The following ANO10 variants were observed in gnomAD, a reference collection of about 807,000 sequenced individuals.
ANO10 encodes anoctamin-10.
ANO10 carries 77 observed loss-of-function variants against 74.7 expected under a neutral mutation model. The observed-to-expected ratio is 1.03, with a 90% confidence interval of 0.86 to 1.25. ANO10 has a LOEUF of 1.25. Among genes scored for constraint, ANO10 ranks in the 50% most tolerant of loss-of-function variants. The probability of loss-of-function intolerance (pLI) is 0.00; values close to 1 mark genes in which losing one functional copy is unlikely to be tolerated. For missense variants in ANO10, 721 were observed against 778.1 expected, an observed-to-expected ratio of 0.93 and a Z score of 0.87; for synonymous variants, 279 against 284.9, an observed-to-expected ratio of 0.98 and a Z score of 0.21.
chr3:43,513,945 TATTA>T (rs1408757285), intron 11 of ANO10, among the ~76,000 whole-genome samples: 1 of 150,606 alleles, frequency 6.6e-6, no homozygotes, highest in Non-Finnish European at 1.5e-5. Context: ...TTTTGTTTGC[TATTA>T]TTTATAACAT....
intron 11 of ANO10, among the ~76,000 whole-genome samples, chr3:43,475,837 A>G (rs1460172352): frequency 6.6e-6 from 1 of 152,034 alleles, no homozygotes; most frequent in Admixed American, 6.6e-5. Flanking sequence ...CCTGACCTCG[A>G]GTGATCTGCC....
At chr3:43,393,685 TTC>T (rs1479786368) in intron 12 of ANO10, among the ~76,000 whole-genome samples, 1 of 152,144 alleles carries the variant, frequency 6.6e-6, no homozygotes, top group Non-Finnish European at 1.5e-5. Context: ...ATATTTTCAT[TTC>T]TTTTTTATTC....
At chr3:43,674,526 T>C (rs768908650) in intron 1 of ANO10, among the ~76,000 whole-genome samples, 10 of 152,126 alleles carry the variant, frequency 6.6e-5, no homozygotes, top group Non-Finnish European at 1.5e-4. Flanking sequence ...AACCAACAAG[T>C]TATGACCTCA....
intron 11 of ANO10, among the ~76,000 whole-genome samples, chr3:43,531,874 C>G (rs922849887): frequency 6.6e-6 from 1 of 151,852 alleles, no homozygotes; most frequent in Non-Finnish European, 1.5e-5. Context: ...TGCACTCCAA[C>G]CTGGTGACAG....
chr3:43,495,162 T>G (rs1333583068), intron 11 of ANO10, among the ~76,000 whole-genome samples: 1 of 151,998 alleles, frequency 6.6e-6, no homozygotes, highest in Non-Finnish European at 1.5e-5. Context: ...ATAAATGATA[T>G]AAATGACTAT....
chr3:43,627,222 T>C (rs1043883146), intron 1 of ANO10, among the ~76,000 whole-genome samples: 8 of 152,230 alleles, frequency 5.3e-5, no homozygotes, highest in African/African-American at 1.9e-4. Context: ...CAAATTTCAG[T>C]ACAGAAAACA....
intron 11 of ANO10, among the ~76,000 whole-genome samples, chr3:43,511,233 G>A (rs1379913377): frequency 6.6e-6 from 1 of 152,076 alleles, no homozygotes; most frequent in East Asian, 1.9e-4. Flanking sequence ...TATACATTAT[G>A]GTTGTTTTAG....
chr3:43,491,568 T>A (rs2076726152), intron 11 of ANO10, among the ~76,000 whole-genome samples: 1 of 152,054 alleles, frequency 6.6e-6, no homozygotes, highest in African/African-American at 2.4e-5. Flanking sequence ...ACACTCCATC[T>A]CACAAGTCAC....
Position 43,631,038 on chromosome 3 carries a change from T to C in ANO10, c.-11-25175A>G, listed in dbSNP as rs2083541103. Among the ~76,000 whole-genome samples, 3 of 152,282 alleles carry C rather than the reference T, an allele frequency of 2.0e-5. No homozygotes were observed. In the South Asian group the frequency reaches 6.2e-4, roughly 32 times the overall value. On this transcript the variant is annotated intron_variant, in intron 1 of 3. Transcript: ENST00000413397. ...GTTTGACTGATGGTTCAAGACTGAG[T>C]GAGTGAATTGTTTTAGTCTTTACTT...
At chr3:43,622,238 T>C (rs1015977166), upstream of ANO10, among the ~76,000 whole-genome samples, 5 of 152,084 alleles carry the variant, frequency 3.3e-5, no homozygotes, top group Admixed American at 6.5e-5. Context: ...CATTGGGCTG[T>C]CGCCTGGAAC....
At chr3:43,666,880 TAC>T (rs1202597538) in intron 1 of ANO10, among the ~76,000 whole-genome samples, 12 of 152,152 alleles carry the variant, frequency 7.9e-5, no homozygotes, top group African/African-American at 1.4e-4. Flanking sequence ...CTTAAATATA[TAC>T]AGTTTTTAAT....
intron 1 of ANO10, among the ~76,000 whole-genome samples, chr3:43,689,667 T>A (rs1006146563): frequency 6.6e-6 from 1 of 152,302 alleles, no homozygotes; most frequent in South Asian, 2.1e-4. Context: ...TATTCGATAA[T>A]GTTTATTTAA....
At chr3:43,634,212 C>G (rs1446784017) in intron 1 of ANO10, among the ~76,000 whole-genome samples, 1 of 152,064 alleles carries the variant, frequency 6.6e-6, no homozygotes, top group Non-Finnish European at 1.5e-5. Flanking sequence ...GAAGTATACT[C>G]TACAGCCTAC....
chr3:43,486,231 C>T (rs576044050), intron 11 of ANO10, among the ~76,000 whole-genome samples: 23 of 152,194 alleles, frequency 1.5e-4, no homozygotes, highest in Non-Finnish European at 1.0e-4. Flanking sequence ...CATAACAAGG[C>T]CACTTTTGCT....
intron 1 of ANO10, chr3:43,637,634 G>A (rs1487434686): frequency 2.7e-5 from 4 of 149,702 alleles, no homozygotes; most frequent in East Asian, 1.9e-4. Flanking sequence ...AGTGCACATC[G>A]TTCCTGTGCA....
At chr3:43,688,706 T>C (rs1435097901) in intron 1 of ANO10, among the ~76,000 whole-genome samples, 5 of 151,758 alleles carry the variant, frequency 3.3e-5, no homozygotes, top group Admixed American at 2.6e-4. Flanking sequence ...TAGCTGGGCG[T>C]GGTGGCGGGT....
chr3:43,409,915 T>A (rs1313602293), intron 12 of ANO10, among the ~76,000 whole-genome samples: 3 of 152,176 alleles, frequency 2.0e-5, no homozygotes, highest in African/African-American at 7.2e-5. Flanking sequence ...ATTTGAATAT[T>A]GTTCTTTCTT....
At chr3:43,690,518 G>C (rs1194074540) in intron 1 of ANO10, 1 of 157,110 alleles carries the variant, frequency 6.4e-6, no homozygotes, top group Non-Finnish European at 1.4e-5. Context: ...GCGGGGAAAG[G>C]CTGGCGGGAC....
In ANO10 at chr3:43,401,238, A is replaced by G. The variant is rs150269735; in HGVS notation, c.1914+31373T>C. Among the ~76,000 whole-genome samples, 6 of 152,356 alleles carry G rather than the reference A, an allele frequency of 3.9e-5. No homozygotes were observed. In the East Asian group the frequency reaches 1.2e-3, roughly 29 times the overall value. On this transcript the variant is annotated intron_variant, in intron 12 of 12. Transcript: ENST00000292246. ...TATGAAGGACGTGCTAGGGTGATGT[A>G]CCAGAAACCAGCAGCAAACCCACAC...
Sources: allele counts gnomAD v4.1 joint callset (sites outside exome capture counted in the v4.1 genomes callset), GRCh38; gene constraint gnomAD v4.1.1; transcripts MANE v1.5; gene names NCBI Gene and HGNC (gene_info 2026-07-23, HGNC 2026-07-21).